Variants in SHISA9 observed in about 807,000 individuals in gnomAD.
SHISA9 encodes the protein shisa family member 9, also known as protein shisa-9.
Under a neutral mutation model 38.0 loss-of-function variants are expected in SHISA9, and 13 were observed. That is an observed-to-expected ratio of 0.34 (90% CI 0.22 to 0.54). SHISA9 has a LOEUF of 0.54. SHISA9 is among the 20% of genes least tolerant of loss of function. The pLI is 0.91. For missense variants in SHISA9, 538 were observed against 575.8 expected (o/e 0.93, Z 0.67); for synonymous variants, 275 against 242.0 (o/e 1.14, Z -1.27).
the SHISA9 span, among the ~76,000 whole-genome samples, chr16:13,530,173 C>T: frequency 1.2e-4 from 18 of 152,252 alleles, no homozygotes; most frequent in Middle Eastern, 3.4e-3. Flanking sequence ...TGGTGGTGAA[C>T]ACATGTAGTC....
intron 2 of SHISA9, among the ~76,000 whole-genome samples, chr16:12,957,840 C>A (rs920084295): frequency 1.3e-5 from 2 of 152,186 alleles, no homozygotes; most frequent in Non-Finnish European, 2.9e-5. Context: ...AGATGGCCAC[C>A]TTCTCGCTGT....
chr16:13,037,925 C>T (rs2073093332), intron 2 of SHISA9, among the ~76,000 whole-genome samples: 1 of 152,168 alleles, frequency 6.6e-6, no homozygotes, highest in Non-Finnish European at 1.5e-5. Flanking sequence ...TTGATCCTAA[C>T]CCTAATGCAT....
chr16:13,316,049 G>A, the SHISA9 span, among the ~76,000 whole-genome samples: 28 of 151,924 alleles, frequency 1.8e-4, no homozygotes, highest in Non-Finnish European at 3.7e-4. Context: ...CAGATGCCCA[G>A]TGTTGTACCC....
the SHISA9 span, among the ~76,000 whole-genome samples, chr16:13,504,209 A>G: frequency 2.0e-5 from 3 of 152,202 alleles, no homozygotes; most frequent in Non-Finnish European, 4.4e-5. Flanking sequence ...CATAATTCAC[A>G]TAAAGCATTG....
intron 2 of SHISA9, among the ~76,000 whole-genome samples, chr16:12,976,405 T>C (rs1339872898): frequency 6.6e-6 from 1 of 152,182 alleles, no homozygotes; most frequent in Non-Finnish European, 1.5e-5. Context: ...TCGTTAATTT[T>C]TTATGGGTGT....
chr16:13,461,037 C>G, the SHISA9 span, among the ~76,000 whole-genome samples: 2 of 152,162 alleles, frequency 1.3e-5, no homozygotes, highest in African/African-American at 2.4e-5. Context: ...GTCATTTATC[C>G]AATAGACAAC....
intron 2 of SHISA9, among the ~76,000 whole-genome samples, chr16:13,165,153 A>G (rs2050625154): frequency 6.6e-6 from 1 of 152,120 alleles, no homozygotes; most frequent in Non-Finnish European, 1.5e-5. Context: ...ATTTGTGGCC[A>G]TTAATTGTTC....
intron 2 of SHISA9, among the ~76,000 whole-genome samples, chr16:13,004,668 T>C (rs987626178): frequency 6.6e-6 from 1 of 151,946 alleles, no homozygotes; most frequent in Non-Finnish European, 1.5e-5. Context: ...CTCATGCCTG[T>C]AATCCTAGCA....
chr16:13,380,035 A>C, the SHISA9 span, among the ~76,000 whole-genome samples: 1 of 152,140 alleles, frequency 6.6e-6, no homozygotes, highest in African/African-American at 2.4e-5. Flanking sequence ...TAAGAGTTGG[A>C]AGATAAAATT....
chr16:13,384,054 G>T, the SHISA9 span, among the ~76,000 whole-genome samples: 1 of 152,192 alleles, frequency 6.6e-6, no homozygotes, highest in Non-Finnish European at 1.5e-5. Flanking sequence ...TGAAAAAATG[G>T]TTAACGTTAG....
At chr16:13,402,193 G>C in the SHISA9 span, among the ~76,000 whole-genome samples, 1 of 152,182 alleles carries the variant, frequency 6.6e-6, no homozygotes, top group Non-Finnish European at 1.5e-5. Context: ...TGGAGTTTGA[G>C]AAGTCCCACA....
chr16:13,510,523 G>T, the SHISA9 span, among the ~76,000 whole-genome samples: 2 of 152,130 alleles, frequency 1.3e-5, no homozygotes, highest in African/African-American at 4.8e-5. Context: ...TAGTAAAATT[G>T]TAACTGCCAA....
At chr16:13,265,065 C>G in the SHISA9 span, among the ~76,000 whole-genome samples, 1 of 124,570 alleles carries the variant, frequency 8.0e-6, no homozygotes, top group African/African-American at 3.1e-5. Flanking sequence ...CACCCCCTTC[C>G]CCTCCTCATC....
intron 2 of SHISA9, among the ~76,000 whole-genome samples, chr16:12,957,410 G>A (rs1039916363): frequency 6.6e-6 from 1 of 152,130 alleles, no homozygotes; most frequent in Non-Finnish European, 1.5e-5. Context: ...TGAGATCAGG[G>A]TGCCAGCGTG....
At chr16:13,264,641 C>A in the SHISA9 span, among the ~76,000 whole-genome samples, 1 of 152,056 alleles carries the variant, frequency 6.6e-6, no homozygotes. Context: ...TCTCTTGCTT[C>A]TAGTCTTGAG....
At chr16:13,435,693 A>G in the SHISA9 span, among the ~76,000 whole-genome samples, 1 of 152,334 alleles carries the variant, frequency 6.6e-6, no homozygotes, top group Admixed American at 6.5e-5. Flanking sequence ...CAGCAAGCCA[A>G]TCACTGAGGT....
chr16:13,075,717 T>A (rs574544133), intron 2 of SHISA9, among the ~76,000 whole-genome samples: 1 of 152,312 alleles, frequency 6.6e-6, no homozygotes, highest in South Asian at 2.1e-4. Flanking sequence ...CTGAAGGTAC[T>A]ATTGATTCAC....
the SHISA9 span, among the ~76,000 whole-genome samples, chr16:13,448,149 GCC>G: frequency 6.6e-6 from 1 of 152,180 alleles, no homozygotes; most frequent in African/African-American, 2.4e-5. Context: ...TTGAAAGTCT[GCC>G]AGAGGTGAGT....
the SHISA9 span, among the ~76,000 whole-genome samples, chr16:13,543,128 G>T: frequency 3.9e-5 from 6 of 152,354 alleles, no homozygotes; most frequent in East Asian, 1.2e-3. Context: ...ATACAGCAGA[G>T]AACAAGACAG....
Sources: gnomAD v4.1 joint callset for allele counts (sites outside exome capture counted in the v4.1 genomes callset) on GRCh38, gnomAD v4.1.1 for gene constraint, MANE v1.5 for transcripts, NCBI Gene and HGNC (gene_info 2026-07-23, HGNC 2026-07-21) for gene names.